NRP1: variants seen among roughly 807,000 people sequenced by gnomAD.
NRP1 encodes the protein neuropilin 1.
In NRP1, 35 loss-of-function variants were observed where a neutral mutation model predicts 106.7. That is an observed-to-expected ratio of 0.33 (90% CI 0.25 to 0.43). The LOEUF is 0.43. NRP1 is among the 20% of genes least tolerant of loss of function. The pLI is 1.00. For missense variants in NRP1, 1,024 were observed against 1,170.4 expected (o/e 0.87, Z 1.83); for synonymous variants, 437 against 417.9 (o/e 1.05, Z -0.56).
intron 4 of NRP1, among the ~76,000 whole-genome samples, chr10:33,258,209 C>T (rs547082375): frequency 7.2e-4 from 109 of 152,058 alleles, no homozygotes; most frequent in African/African-American, 2.4e-3. Flanking sequence ...GATCCTTGGC[C>T]GACAGGTTTT....
chr10:33,320,482 A>G (rs370701499), intron 2 of NRP1, among the ~76,000 whole-genome samples: 2 of 152,214 alleles, frequency 1.3e-5, no homozygotes, highest in East Asian at 3.9e-4. Flanking sequence ...GAATGTGGAC[A>G]TGCAGGCACC....
At chr10:33,237,487 G>A (rs566873088) in intron 6 of NRP1, among the ~76,000 whole-genome samples, 5,708 of 144,828 alleles carry the variant, frequency 0.039, 284 homozygotes, top group African/African-American at 0.12. Context: ...ACATGCGCGC[G>A]CACACACACA....
chr10:33,275,805 G>A (rs1843648046), intron 2 of NRP1, among the ~76,000 whole-genome samples: 1 of 151,912 alleles, frequency 6.6e-6, no homozygotes, highest in African/African-American at 2.4e-5. Context: ...ACCTACTTGG[G>A]AGGCTGAGGT....
chr10:33,322,126 C>T (rs891396056), intron 2 of NRP1, among the ~76,000 whole-genome samples: 4 of 152,020 alleles, frequency 2.6e-5, no homozygotes, highest in Admixed American at 6.6e-5. Flanking sequence ...AGATGACCAG[C>T]GCTTGGAAGG....
At chr10:33,209,206 C>G (rs1226068682) in intron 9 of NRP1, among the ~76,000 whole-genome samples, 1 of 152,072 alleles carries the variant, frequency 6.6e-6, no homozygotes, top group African/African-American at 2.4e-5. Flanking sequence ...CATGCCTGGC[C>G]ACATATTTTT....
chr10:33,223,792 TG>T (rs1176461235), intron 7 of NRP1, among the ~76,000 whole-genome samples: 1 of 152,114 alleles, frequency 6.6e-6, no homozygotes, highest in Non-Finnish European at 1.5e-5. Flanking sequence ...CAAAGAGTAA[TG>T]GGCAGCTGCC....
At chr10:33,234,227 A>G (rs978708563) in intron 6 of NRP1, among the ~76,000 whole-genome samples, 1 of 152,178 alleles carries the variant, frequency 6.6e-6, no homozygotes, top group African/African-American at 2.4e-5. Context: ...CAATCATACA[A>G]GGGACATTTT....
chr10:33,330,556 A>T (rs1453890091), intron 2 of NRP1, 152 bp downstream of exon 2: 1 of 563,600 alleles, frequency 1.8e-6, no homozygotes, highest in African/African-American at 1.9e-5. Flanking sequence ...ACGTACTTCA[A>T]TTTCCATACC....
intron 6 of NRP1, among the ~76,000 whole-genome samples, chr10:33,251,842 T>C (rs1841880873): frequency 1.3e-5 from 2 of 152,118 alleles, no homozygotes; most frequent in South Asian, 4.1e-4. Context: ...ACTACATTAC[T>C]GATACGGGAG....
At chr10:33,225,046 G>A (rs768042779) in intron 7 of NRP1, among the ~76,000 whole-genome samples, 1 of 152,130 alleles carries the variant, frequency 6.6e-6, no homozygotes, top group Admixed American at 6.6e-5. Flanking sequence ...CTCCATGAGC[G>A]TTGACTAGGA....
intron 2 of NRP1, among the ~76,000 whole-genome samples, chr10:33,307,494 AT>A (rs1342494322): frequency 6.6e-6 from 1 of 152,168 alleles, no homozygotes; most frequent in African/African-American, 2.4e-5. Flanking sequence ...ATAAAAAAAA[AT>A]CAATTTCTTT....
intron 2 of NRP1, among the ~76,000 whole-genome samples, chr10:33,313,780 G>A (rs1033820787): frequency 6.6e-6 from 1 of 152,162 alleles, no homozygotes; most frequent in Non-Finnish European, 1.5e-5. Flanking sequence ...CAAATTTCTT[G>A]AGAGAGCTAC....
intron 11 of NRP1, chr10:33,202,475 T>G: frequency 2.7e-5 from 20 of 745,512 alleles, no homozygotes; most frequent in Non-Finnish European, 3.6e-5. Flanking sequence ...ATTTGTTGGA[T>G]AAAGGATCCA....
chr10:33,291,282 C>T (rs972044460), intron 2 of NRP1, among the ~76,000 whole-genome samples: 6 of 152,244 alleles, frequency 3.9e-5, no homozygotes, highest in South Asian at 2.1e-4. Flanking sequence ...GTTTAAGTAA[C>T]GCAATCTGGC....
chr10:33,268,741 A>G (rs750051295), intron 3 of NRP1, among the ~76,000 whole-genome samples: 4 of 152,234 alleles, frequency 2.6e-5, no homozygotes, highest in African/African-American at 9.6e-5. Flanking sequence ...ATGTGTGTGT[A>G]CATATACAGA....
intron 1 of NRP1, 35 bp from the exon 2 acceptor site, chr10:33,330,917 T>A (rs1848240192): frequency 1.9e-6 from 3 of 1,546,566 alleles, no homozygotes; most frequent in Non-Finnish European, 1.8e-6. Flanking sequence ...AGATCTTTCC[T>A]GACAACCTGT....
intron 8 of NRP1, 42 bp from the exon 9 acceptor site, chr10:33,213,759 G>C (rs187094641): frequency 7.0e-7 from 1 of 1,419,032 alleles, no homozygotes; most frequent in Non-Finnish European, 9.6e-7. Flanking sequence ...ATGATTTCCT[G>C]GGCGACTCCA....
At chr10:33,305,604 A>G (rs1341288416) in intron 2 of NRP1, among the ~76,000 whole-genome samples, 5 of 152,036 alleles carry the variant, frequency 3.3e-5, no homozygotes, top group African/African-American at 1.2e-4. Flanking sequence ...CCTAAACTCC[A>G]CTTTCTCTAC....
intron 2 of NRP1, among the ~76,000 whole-genome samples, chr10:33,311,081 A>G (rs1478841022): frequency 6.6e-6 from 1 of 152,226 alleles, no homozygotes. Context: ...AATTATAGGC[A>G]AAGAAGACAA....
Sources: gnomAD v4.1 joint callset for allele counts (sites outside exome capture counted in the v4.1 genomes callset) on GRCh38, gnomAD v4.1.1 for gene constraint, MANE v1.5 for transcripts, NCBI Gene and HGNC (gene_info 2026-07-23, HGNC 2026-07-21) for gene names.